The following DIAPH3 variants were observed in gnomAD, a reference collection of about 807,000 sequenced individuals.
DIAPH3 encodes the protein diaphanous related formin 3.
Under a neutral mutation model 144.3 loss-of-function variants are expected in DIAPH3, and 117 were observed. That is an observed-to-expected ratio of 0.81 (90% CI 0.70 to 0.95). The LOEUF (loss-of-function observed/expected upper bound fraction) is 0.95. Ranked by LOEUF, DIAPH3 falls within the 40% of genes least tolerant of loss-of-function variation. The pLI is 0.00. For synonymous variants in DIAPH3, 519 were observed against 488.9 expected (o/e 1.06, Z -0.81); for missense variants, 1,421 against 1,412.7 (o/e 1.01, Z -0.09).
intron 4 of DIAPH3, among the ~76,000 whole-genome samples, chr13:60,090,983 T>G (rs1425653526): frequency 6.6e-6 from 1 of 152,172 alleles, no homozygotes; most frequent in African/African-American, 2.4e-5. Context: ...CTGAAATAGA[T>G]CCACATAACA....
chr13:60,047,726 T>C (rs2056145297), intron 4 of DIAPH3, among the ~76,000 whole-genome samples: 1 of 152,234 alleles, frequency 6.6e-6, no homozygotes, highest in Admixed American at 6.5e-5. Flanking sequence ...CAAAGATTTC[T>C]TAAATAGGAC....
intron 5 of DIAPH3, among the ~76,000 whole-genome samples, chr13:60,023,331 C>T (rs973769250): frequency 3.3e-5 from 5 of 152,028 alleles, no homozygotes; most frequent in African/African-American, 1.2e-4. Flanking sequence ...CAAAGTATTC[C>T]CTTATTATCC....
chr13:59,897,402 G>A lies in DIAPH3; in HGVS notation c.2367+14333C>T, dbSNP rs116980661. Among the ~76,000 whole-genome samples, 44 of 152,302 alleles carry A rather than the reference G, an allele frequency of 2.9e-4. No homozygotes were observed. In the East Asian group the frequency reaches 5.8e-3, roughly 20 times the overall value. On this transcript the variant is annotated intron_variant, in intron 20 of 27. Transcript: ENST00000400324. ...TATACATAAAACATGCTAAAGAATCGTAGAATAGTGAGAGAGAAAATTCTT... is the reference window on the plus strand; with the variant it reads ...TATACATAAAACATGCTAAAGAATCATAGAATAGTGAGAGAGAAAATTCTT...
intron 24 of DIAPH3, among the ~76,000 whole-genome samples, chr13:59,830,895 A>T (rs1202050063): frequency 1.3e-5 from 2 of 151,902 alleles, no homozygotes; most frequent in Non-Finnish European, 1.5e-5. Context: ...CATTGATCTC[A>T]TTTGGAAACC....
intron 4 of DIAPH3, among the ~76,000 whole-genome samples, chr13:60,077,753 G>A (rs1435115763): frequency 2.0e-5 from 3 of 152,048 alleles, no homozygotes; most frequent in African/African-American, 7.2e-5. Flanking sequence ...CTGCCTTCGT[G>A]GAGCTTCTAG....
chr13:59,835,545 G>A (rs2042003308), intron 23 of DIAPH3, among the ~76,000 whole-genome samples: 2 of 151,522 alleles, frequency 1.3e-5, no homozygotes, highest in African/African-American at 2.4e-5. Flanking sequence ...ATAAATTTGG[G>A]GACTCAGAGA....
At chr13:60,151,922 T>C (rs75694316) in intron 1 of DIAPH3, among the ~76,000 whole-genome samples, 286 of 152,320 alleles carry the variant, frequency 1.9e-3, no homozygotes, top group African/African-American at 6.3e-3. Context: ...TAAAAAAGAA[T>C]TGTAATTGTC....
At chr13:60,038,860 T>C (rs1182287772) in intron 5 of DIAPH3, among the ~76,000 whole-genome samples, 3 of 105,286 alleles carry the variant, frequency 2.8e-5, no homozygotes, top group African/African-American at 4.0e-5. Context: ...CATAGATGAG[T>C]ATGATCTATA....
At chr13:59,932,952 G>C (rs1015602063) in intron 17 of DIAPH3, among the ~76,000 whole-genome samples, 2 of 152,130 alleles carry the variant, frequency 1.3e-5, no homozygotes, top group Admixed American at 6.5e-5. Context: ...CAAAAGTTTT[G>C]TTTGTTTTTT....
rs185730233 is a variant in DIAPH3 at position 59,881,156 on chromosome 13, A to C, written c.2368-1688T>G. Among the ~76,000 whole-genome samples, 24 of 145,948 alleles carry C rather than the reference A, an allele frequency of 1.6e-4. No homozygotes were observed. The East Asian group carries it at 4.6e-3, about 28-fold the overall frequency. ...CACAAAGACATTTGTCTTAAAATAT[A>C]TTATATTTTAAGACAGATGGGTTCA... On this transcript the variant is annotated intron_variant, in intron 20 of 27. Transcript: ENST00000400324.
rs2041869137 is a variant in DIAPH3 at position 59,833,172 on chromosome 13, C to T, written c.2962G>A (p.Asp988Asn). 6.2e-7 allele frequency: 1 copy of T among 1,610,736 alleles called. No individual in the cohort carries two copies. The highest frequency in any genetic ancestry group is 8.5e-7 in the Non-Finnish European group (1 of 1,178,030). ...YQSIIGYYAI[D>N]VKKVSVEDFL... ...TCTTCCACAGACACCTTCTTCACATCAATGGCATAGTATCCTATTATACTC... is the reference window on the plus strand; with the variant it reads ...TCTTCCACAGACACCTTCTTCACATTAATGGCATAGTATCCTATTATACTC... The change falls in exon 24 of 28, where the codon GAT becomes AAT. Residue 988 changes from aspartate to asparagine, a missense_variant. By Grantham distance (23) the Asp-to-Asn change is conservative. Coordinates refer to ENST00000400324, the MANE Select transcript of DIAPH3 (RefSeq NM_001042517.2).
intron 5 of DIAPH3, among the ~76,000 whole-genome samples, chr13:60,039,241 T>C (rs905078910): frequency 2.0e-5 from 3 of 151,876 alleles, no homozygotes; most frequent in African/African-American, 7.3e-5. Flanking sequence ...AAATATTACA[T>C]ATCCAGAGCC....
chr13:59,785,815 G>A (rs1358877674), intron 25 of DIAPH3, among the ~76,000 whole-genome samples: 1 of 152,062 alleles, frequency 6.6e-6, no homozygotes, highest in African/African-American at 2.4e-5. Flanking sequence ...ATAAAGTATG[G>A]TATTTCTAGA....
intron 3 of DIAPH3, among the ~76,000 whole-genome samples, chr13:60,109,637 C>T (rs1396202884): frequency 2.6e-5 from 4 of 152,100 alleles, no homozygotes; most frequent in Non-Finnish European, 1.5e-5. Flanking sequence ...CTGAAACCAA[C>T]AGGAAATCTC....
chr13:59,946,403 T>C (rs145020507), intron 17 of DIAPH3, among the ~76,000 whole-genome samples: 1,573 of 152,214 alleles, frequency 0.01, 19 homozygotes, highest in Non-Finnish European at 0.019. Flanking sequence ...GAAAAAAACC[T>C]CCCGAACACT....
chr13:60,151,337 G>T (rs1951771390), intron 1 of DIAPH3, among the ~76,000 whole-genome samples: 1 of 152,136 alleles, frequency 6.6e-6, no homozygotes, highest in Admixed American at 6.6e-5. Flanking sequence ...GAGGCACAAA[G>T]GTTGATAATT....
intron 1 of DIAPH3, among the ~76,000 whole-genome samples, chr13:60,155,529 G>A (rs2138435309): frequency 6.6e-6 from 1 of 152,254 alleles, no homozygotes; most frequent in South Asian, 2.1e-4. Context: ...AAAATTCAGA[G>A]CAATTTCTTA....
chr13:60,057,609 C>T (rs1252019227), intron 4 of DIAPH3, among the ~76,000 whole-genome samples: 1 of 151,890 alleles, frequency 6.6e-6, no homozygotes, highest in African/African-American at 2.4e-5. Context: ...GCAAAAACAA[C>T]AAATCTGCAG....
chr13:59,980,880 A>T, intron 13 of DIAPH3, 21 bp from the exon 14 acceptor site: 1 of 1,600,592 alleles, frequency 6.2e-7, no homozygotes, highest in Admixed American at 1.7e-5. Flanking sequence ...AATGACAGGA[A>T]ATTTTTAATG....
Sources: gnomAD v4.1 joint callset for allele counts (sites outside exome capture counted in the v4.1 genomes callset) on GRCh38, gnomAD v4.1.1 for gene constraint, MANE v1.5 for transcripts, NCBI Gene and HGNC (gene_info 2026-07-23, HGNC 2026-07-21) for gene names.